CCDC78: variants seen among roughly 807,000 people sequenced by gnomAD.
The protein encoded by CCDC78 is coiled-coil domain containing 78.
CCDC78 carries 78 observed loss-of-function variants against 61.9 expected under a neutral mutation model. The observed-to-expected ratio is 1.26, with a 90% CI of 1.05 to 1.52. The LOEUF (loss-of-function observed/expected upper bound fraction) is 1.52, where lower values mean the gene tolerates loss of function less well. Ranked by LOEUF, CCDC78 falls within the 40% of genes most tolerant of loss-of-function variation. The pLI is 0.00. For missense variants in CCDC78, 737 were observed against 615.5 expected (o/e 1.20, Z -2.09); for synonymous variants, 287 against 251.9 (o/e 1.14, Z -1.32).
At chr16:723,805 T>C (rs2040519749) in intron 11 of CCDC78, 52 bp downstream of exon 11, 4 of 1,516,368 alleles carry the variant, frequency 2.6e-6, no homozygotes, top group Non-Finnish European at 2.7e-6. Context: ...GCAGGCGTTG[T>C]GCTCTCTGCT....
Position 724,417 on chromosome 16 carries a change from G to T in CCDC78, c.858C>A (p.Arg286=), listed in dbSNP as rs781751298. The T allele has an allele frequency of 6.2e-7, 1 of 1,609,348 alleles. No individual in the cohort carries two copies. Among genetic ancestry groups the T allele is most frequent in the Non-Finnish European group, 8.5e-7 (1 of 1,179,938 alleles). The change falls in exon 9 of 14, where the codon CGC becomes CGA. Residue 286 remains arginine (R), a synonymous_variant. Coordinates refer to ENST00000345165, the MANE Select transcript of CCDC78 (RefSeq NM_001378030.1). Reference sequence around the variant, plus strand: ...CCCGGGCCAGCTGCTGCTCACGGCTGCGGTGCGCTGCCCGGATGTCCTCCA... The same window carrying T: ...CCCGGGCCAGCTGCTGCTCACGGCTTCGGTGCGCTGCCCGGATGTCCTCCA... The part of the protein sequence containing the change: ...ATLEDIRAAH[R]SREQQLARAA...
upstream of CCDC78, chr16:726,731 T>G (rs1250306674): frequency 2.5e-6 from 1 of 401,944 alleles, no homozygotes; most frequent in African/African-American, 2.1e-5. Context: ...GCTGGACACC[T>G]TCTGTGTACC....
chr16:725,345 C>A (rs1028453515), intron 4 of CCDC78, 52 bp from the exon 5 acceptor site: 13 of 1,611,020 alleles, frequency 8.1e-6, no homozygotes, highest in African/African-American at 1.3e-5. Context: ...GCCCCAGTTT[C>A]ACTGAGGCCC....
intron 3 of CCDC78, 22 bp downstream of exon 3, chr16:725,772 G>A (rs1313609343): frequency 3.1e-6 from 5 of 1,594,486 alleles, no homozygotes; most frequent in Non-Finnish European, 3.4e-6. Context: ...ATGCACTGAG[G>A]CTGGTTCACA....
rs768619502 is a variant in CCDC78 at position 724,581 on chromosome 16, G to GCC, written c.766-73_766-72insGG. ...TCCAACCATCCCCCCACCCCAGCAG[G>GCC]CTGAGCAGTGCCGGGGCCCTGGGGT... On this transcript the variant is annotated intron_variant, in intron 8 of 13. Coordinates refer to ENST00000345165, the MANE Select transcript of CCDC78 (RefSeq NM_001378030.1). 4.1e-4 allele frequency: 644 copies of GCC among 1,557,914 alleles called. 2 individuals carry two copies. Among genetic ancestry groups the GCC allele is most frequent in the Admixed American group, 1.0e-3 (56 of 53,698 alleles).
At position 725,502 on chromosome 16, in the gene CCDC78, C is replaced by T. The variant is rs1340919383; in HGVS notation, c.346G>A (p.Glu116Lys). The T allele has an allele frequency of 6.2e-7, 1 of 1,612,550 alleles. No homozygotes were observed. Among genetic ancestry groups the T allele is most frequent in the African/African-American group, 1.3e-5 (1 of 74,950 alleles). Residue 116 changes from glutamate (E) to lysine (K), a missense_variant, in exon 4 of 14, where the codon GAG (glutamate) becomes AAG (lysine). Transcript: ENST00000345165. ...GTSQGCAVPVESDPRHPRAAA... is the reference protein window; with the variant it reads ...GTSQGCAVPVKSDPRHPRAAA... Reference sequence around the variant, plus strand: ...GCCCGGGGATGCCTGGGGTCAGACTCCACTGGGACTGCACAGCCCTGGCTG... The same window carrying T: ...GCCCGGGGATGCCTGGGGTCAGACTTCACTGGGACTGCACAGCCCTGGCTG...
chr16:723,197 AG>A (rs1391423036), intron 11 of CCDC78, 36 bp from the exon 12 acceptor site: 2 of 1,605,978 alleles, frequency 1.2e-6, no homozygotes, highest in African/African-American at 2.7e-5. Flanking sequence ...TGGTTTTGAG[AG>A]CTGGCATGGT....
At chr16:725,048 G>C (rs370258142) in intron 6 of CCDC78, 30 bp downstream of exon 6, 19 of 1,612,504 alleles carry the variant, frequency 1.2e-5, no homozygotes, top group East Asian at 1.1e-4. Flanking sequence ...TCTGCTCCAG[G>C]ATGGGGCCCC....
In CCDC78 at chr16:723,419, C is replaced by T. The variant is rs755415812; in HGVS notation, c.1134-258G>A. On this transcript the variant is annotated intron_variant, in intron 11 of 13. Coordinates refer to ENST00000345165, the MANE Select transcript of CCDC78 (RefSeq NM_001378030.1). ...ACCACAAGGCCAGCCCAGACAGTGACTCCAGCATCAACAGGGATGCCACCC... is the reference window on the plus strand; with the variant it reads ...ACCACAAGGCCAGCCCAGACAGTGATTCCAGCATCAACAGGGATGCCACCC... The T allele has an allele frequency of 1.0e-5, 7 of 697,638 alleles. No individual in the cohort carries two copies. The South Asian group carries it at 1.0e-4, about 10-fold the overall frequency. The allele number at this position is 697,638 out of a possible 1,614,324, so 43.2% of individuals were successfully genotyped here.
Position 725,077 on chromosome 16 carries a change from C to CGCAG in CCDC78, c.560_560+1insCTGC (p.Ala188CysfsTer42). On this transcript the variant is annotated frameshift_variant and splice_region_variant. Transcript: ENST00000345165. LOFTEE classifies it high-confidence loss of function. The stretch of plus-strand genomic sequence containing the variant: ...GGGCCCCAGGTGAGATGGCCACTCA[C>CGCAG]ACACGCGTCACCAGTGCCTGCTGCC... 1 of 1,612,672 alleles carries CGCAG rather than the reference C, an allele frequency of 6.2e-7. No homozygotes were observed. Among genetic ancestry groups the CGCAG allele is most frequent in the South Asian group, 1.1e-5 (1 of 91,084 alleles).
intron 5 of CCDC78, 43 bp from the exon 6 acceptor site, chr16:725,188 G>T: frequency 1.9e-6 from 3 of 1,611,774 alleles, no homozygotes; most frequent in Non-Finnish European, 2.5e-6. Context: ...CCTAGGCTTG[G>T]GGTCTCTGGT....
rs1254304685 is a variant in CCDC78, at chr16:724,166, G to C, written c.993C>G (p.Ser331Arg). ...GNPQAIFDIA[S>R]LDLEPLPVPL... ...GCACGGGCAATGGTTCCAGGTCCAA[G>C]CTGGCTATGTCAAAAATAGCTTGGG... The change falls in exon 10 of 14, where the codon AGC (serine) becomes AGG (arginine). Residue 331 changes from serine to arginine, a missense_variant. Transcript: ENST00000345165. The C allele has an allele frequency of 1.9e-6, 3 of 1,605,692 alleles. No homozygotes were observed. The highest frequency in any genetic ancestry group is 2.6e-6 in the Non-Finnish European group (3 of 1,176,060).
intron 5 of CCDC78, 37 bp from the exon 6 acceptor site, chr16:725,182 G>A: frequency 4.3e-6 from 7 of 1,612,072 alleles, no homozygotes; most frequent in Non-Finnish European, 5.9e-6. Context: ...TGAGACCCTA[G>A]GCTTGGGGTC....
chr16:722,880 C>T, intron 13 of CCDC78, 42 bp downstream of exon 13: 1 of 1,610,186 alleles, frequency 6.2e-7, no homozygotes, highest in Non-Finnish European at 8.5e-7. Flanking sequence ...TCATTCCAAC[C>T]AGACCAGGGC....
intron 3 of CCDC78, 39 bp downstream of exon 3, chr16:725,755 G>A (rs369248880): frequency 3.8e-5 from 60 of 1,583,524 alleles, no homozygotes; most frequent in African/African-American, 1.9e-4. Flanking sequence ...TGCACCCCCC[G>A]TCCCCCATGC....
rs2040366052 is a variant in CCDC78, at chr16:722,992, G to A, written c.1231C>T (p.Leu411=). The stretch of plus-strand genomic sequence containing the variant: ...TCTTCAGCCATCGTGGCCCGGACCA[G>A]CAGCTGTGCCCGCTCCCGTTCCAGC... ...AELERERAQL[L]VRATMAEEQL... is the part of the protein sequence containing the mutation. The change falls in exon 13 of 14, where the codon CTG becomes TTG. Residue 411 remains leucine, a synonymous_variant. Coordinates refer to ENST00000345165, the MANE Select transcript of CCDC78 (RefSeq NM_001378030.1). 3.1e-6 allele frequency: 5 copies of A among 1,612,464 alleles called. No homozygotes were observed. Among genetic ancestry groups the A allele is most frequent in the Non-Finnish European group, 3.4e-6 (4 of 1,180,014 alleles).
chr16:725,193 T>C (rs1427582226), intron 5 of CCDC78, 44 bp downstream of exon 5: 3 of 1,611,546 alleles, frequency 1.9e-6, no homozygotes, highest in Non-Finnish European at 2.5e-6. Flanking sequence ...GCTTGGGGTC[T>C]CTGGTGCTGC....
upstream of CCDC78, chr16:726,721 G>T (rs189324952): frequency 9.6e-4 from 412 of 428,026 alleles, no homozygotes; most frequent in African/African-American, 6.2e-3. Flanking sequence ...AGCTACACTC[G>T]CTGGACACCT....
At position 722,693 on chromosome 16, in the gene CCDC78, C is replaced by T. The variant is rs753986011; in HGVS notation, c.1398G>A (p.Arg466=). 18 of 1,608,080 alleles carry T rather than the reference C, an allele frequency of 1.1e-5. No homozygotes were observed. The South Asian group carries it at 1.5e-4, about 14-fold the overall frequency. The change falls in exon 14 of 14, where the codon AGG becomes AGA. Residue 466 remains arginine, a synonymous_variant. Coordinates refer to ENST00000345165, the MANE Select transcript of CCDC78 (RefSeq NM_001378030.1). Reference sequence around the variant, plus strand: ...GGGAGACGGCCTAGTGGCTGCCGGTCCTTGGATGCTGGGGCTTGGCTGGAG... The same window carrying T: ...GGGAGACGGCCTAGTGGCTGCCGGTTCTTGGATGCTGGGGCTTGGCTGGAG... The part of the protein sequence containing the change: ...AVPPAKPQHP[R]TGSH
Sources: allele counts gnomAD v4.1 joint callset, GRCh38; gene constraint gnomAD v4.1.1; transcripts MANE v1.5; gene names NCBI Gene and HGNC (gene_info 2026-07-23, HGNC 2026-07-21).